The following ZMYM6 variants were observed in gnomAD, a reference collection of about 807,000 sequenced individuals.
ZMYM6 encodes the protein zinc finger MYM-type protein 6.
ZMYM6 carries 90 observed loss-of-function variants against 134.0 expected under a neutral mutation model. The observed-to-expected ratio is 0.67, with a 90% CI of 0.57 to 0.80. The LOEUF (loss-of-function observed/expected upper bound fraction) is 0.80, where lower values mean the gene tolerates loss of function less well. Among genes scored for constraint, ZMYM6 ranks in the 30% least tolerant of loss-of-function variants. ZMYM6 has a pLI of 0.00. For synonymous variants in ZMYM6, 481 were observed against 524.1 expected (o/e 0.92, Z 1.12); for missense variants, 1,362 against 1,533.9 (o/e 0.89, Z 1.87).
chr1:35,006,579 C>T (rs888583116), intron 12 of ZMYM6, among the ~76,000 whole-genome samples: 13 of 152,180 alleles, frequency 8.5e-5, no homozygotes, highest in African/African-American at 3.1e-4. Context: ...ACTATATTAA[C>T]TATACTCTCC....
rs1339857498 is a variant in ZMYM6, at chr1:34,994,612, A to G, written c.1993-2225T>C. ...AAATTAGGATTGTATTTTAAATGTG[A>G]TGGGAAGCCATTGGAGGTTATATTT... On this transcript the variant is annotated intron_variant, in intron 14 of 15. Coordinates refer to ENST00000357182, the MANE Select transcript of ZMYM6 (RefSeq NM_007167.4). Among the ~76,000 whole-genome samples, 6 of 152,170 alleles carry G rather than the reference A, an allele frequency of 3.9e-5. No homozygotes were observed. The East Asian group carries it at 1.2e-3, about 29-fold the overall frequency.
intron 11 of ZMYM6, 73 bp downstream of exon 11, chr1:35,008,679 T>C (rs1202292726): frequency 4.6e-6 from 7 of 1,515,552 alleles, no homozygotes; most frequent in Non-Finnish European, 6.2e-6. Context: ...CTTCACATAA[T>C]TTGAATACAT....
At chr1:35,011,248 G>A (rs1004925517) in intron 8 of ZMYM6, among the ~76,000 whole-genome samples, 4 of 152,084 alleles carry the variant, frequency 2.6e-5, no homozygotes, top group Admixed American at 1.3e-4. Flanking sequence ...AGGCTTTCCT[G>A]ACAAAGACCT....
At chr1:35,008,634 A>T (rs1233560844) in intron 11 of ZMYM6, 118 bp downstream of exon 11, 11 of 983,534 alleles carry the variant, frequency 1.1e-5, no homozygotes, top group Admixed American at 3.0e-5. Context: ...TATAGCCCAT[A>T]ACTTATTTTA....
At chr1:34,994,841 T>C (rs1426845652) in intron 14 of ZMYM6, among the ~76,000 whole-genome samples, 1 of 151,464 alleles carries the variant, frequency 6.6e-6, no homozygotes, top group Non-Finnish European at 1.5e-5. Context: ...CTGCCGGGAA[T>C]ATGTTCCAAG....
intron 11 of ZMYM6, 105 bp from the exon 12 acceptor site, chr1:35,007,203 T>C (rs1640997750): frequency 8.9e-7 from 1 of 1,124,648 alleles, no homozygotes; most frequent in Non-Finnish European, 1.2e-6. Context: ...TATGAGTCAG[T>C]TGAGACTACA....
chr1:35,031,564 A>G (rs531032799), intron 1 of ZMYM6: 2 of 152,372 alleles, frequency 1.3e-5, no homozygotes, highest in East Asian at 3.9e-4. Context: ...CCCTCCTCTG[A>G]GAACCGCACG....
intron 8 of ZMYM6, among the ~76,000 whole-genome samples, chr1:35,011,418 G>A (rs542039378): frequency 6.6e-6 from 1 of 152,160 alleles, no homozygotes; most frequent in Non-Finnish European, 1.5e-5. Context: ...CATCAGGCAT[G>A]TTCCTACCCT....
chr1:35,024,012 C>G (rs1641360799), intron 2 of ZMYM6, among the ~76,000 whole-genome samples: 1 of 152,060 alleles, frequency 6.6e-6, no homozygotes, highest in Non-Finnish European at 1.5e-5. Flanking sequence ...TTTCTTTTAC[C>G]TCACAAAGTA....
chr1:35,030,285 G>T (rs1034847338), intron 2 of ZMYM6: 2 of 331,584 alleles, frequency 6.0e-6, no homozygotes, highest in Admixed American at 9.9e-5. Context: ...CAAAAAAATA[G>T]TTGAGCATGT....
At chr1:35,025,254 C>T (rs1013948681) in intron 2 of ZMYM6, among the ~76,000 whole-genome samples, 4 of 151,172 alleles carry the variant, frequency 2.6e-5, no homozygotes, top group Non-Finnish European at 5.9e-5. Context: ...GAGGCCGAGG[C>T]AGGTAGAGTT....
At chr1:35,013,684 T>G (rs1021346890) in intron 6 of ZMYM6, 1 of 958,818 alleles carries the variant, frequency 1.0e-6, no homozygotes, top group East Asian at 1.2e-4. Context: ...CATCTTTGTT[T>G]TTTTTTTTTG....
chr1:35,001,141 A>G (rs1050030762), intron 14 of ZMYM6, among the ~76,000 whole-genome samples: 2 of 152,198 alleles, frequency 1.3e-5, no homozygotes, highest in Admixed American at 1.3e-4. Flanking sequence ...TGAGTTTTAC[A>G]GATTTTCCTC....
In ZMYM6 at chr1:35,013,603, C is replaced by T. The variant is rs1352230019; in HGVS notation, c.796-1022G>A. On this transcript the variant is annotated intron_variant, in intron 6 of 15. Transcript: ENST00000357182. Reference sequence around the variant, plus strand: ...GTGATGAATGTCCATATGTCCATTACCAACTGCTCAAAGGAAGCAACAAAT... The same window carrying T: ...GTGATGAATGTCCATATGTCCATTATCAACTGCTCAAAGGAAGCAACAAAT... 2.0e-6 allele frequency: 2 copies of T among 985,270 alleles called. 1 individual carries two copies. The highest frequency in any genetic ancestry group is 1.2e-4 in the Admixed American group (2 of 16,258). 61.0% of individuals were successfully genotyped at this position (985,270 alleles called of 1,614,324 possible).
intron 2 of ZMYM6, 76 bp downstream of exon 2, chr1:35,030,471 T>C: frequency 7.0e-7 from 1 of 1,419,680 alleles, no homozygotes; most frequent in Admixed American, 2.2e-5. Context: ...AGAAGCCGTT[T>C]AACTAAAATT....
rs1481551396 is a variant in ZMYM6, at chr1:35,019,410, T to C, written c.371A>G (p.His124Arg). ...AGGTGGCAGGCAGGCAGGTGAAGAA[T>C]GTCTGGTGATGCATCGTGTGGAGCA... ...LFCSTRCITR[H>R]SSPACLPPPP... is the part of the protein sequence containing the mutation. The change falls in exon 4 of 16, where the codon CAT becomes CGT. Residue 124 changes from histidine to arginine, a missense_variant. By Grantham distance (29) the His-to-Arg change is conservative (BLOSUM62 0). This residue lies in a region of ZMYM6 where 503 missense variants were observed against 520.8 expected (regional missense o/e 0.97). Transcript: ENST00000357182. 5.0e-6 allele frequency: 8 copies of C among 1,614,158 alleles called. No homozygotes were observed. The highest frequency in any genetic ancestry group is 5.1e-6 in the Non-Finnish European group (6 of 1,180,036).
intron 6 of ZMYM6, chr1:35,013,296 C>T (rs765802408): frequency 2.2e-4 from 196 of 889,880 alleles, no homozygotes; most frequent in South Asian, 7.3e-4. Context: ...GGAAATTAAA[C>T]TCATTTCATC....
chr1:35,008,451 C>T (rs1020387935), intron 11 of ZMYM6, among the ~76,000 whole-genome samples: 23 of 152,294 alleles, frequency 1.5e-4, no homozygotes, highest in Middle Eastern at 3.4e-3. Context: ...ATGAGAGAGC[C>T]ACTTCAGGCA....
intron 14 of ZMYM6, among the ~76,000 whole-genome samples, chr1:35,001,686 G>A (rs1640884147): frequency 6.6e-6 from 1 of 152,042 alleles, no homozygotes; most frequent in East Asian, 1.9e-4. Context: ...ATAATTTAAT[G>A]CAAAATACAT....
Sources: gnomAD v4.1 joint callset for allele counts (sites outside exome capture counted in the v4.1 genomes callset) on GRCh38, gnomAD v4.1.1 for gene constraint, gnomAD v4.1.1 regional missense constraint, MANE v1.5 for transcripts, NCBI Gene and HGNC (gene_info 2026-07-23, HGNC 2026-07-21) for gene names.